ARSF: variants seen among roughly 807,000 people sequenced by gnomAD.
ARSF encodes arylsulfatase F.
Under a neutral mutation model 35.4 loss-of-function variants are expected in ARSF, and 33 were observed. The observed-to-expected ratio is 0.93, with a 90% confidence interval of 0.71 to 1.25. The LOEUF is 1.25. Among genes scored for constraint, ARSF ranks in the 50% most tolerant of loss-of-function variants. The pLI is 0.00. For synonymous variants in ARSF, 222 were observed against 193.1 expected, an observed-to-expected ratio of 1.15 and a Z score of -1.24; for missense variants, 501 against 480.2, an observed-to-expected ratio of 1.04 and a Z score of -0.40.
chrX:3,068,996 A>AG (rs756681729), intron 2 of ARSF, among the ~76,000 whole-genome samples: 97 of 112,318 alleles, frequency 8.6e-4, no homozygotes, highest in Middle Eastern at 4.6e-3. Flanking sequence ...TTTCTCTCAG[A>AG]GGAGATATTT....
At chrX:3,071,337 T>C (rs1477307721) in intron 2 of ARSF, among the ~76,000 whole-genome samples, 2 of 110,702 alleles carry the variant, frequency 1.8e-5, no homozygotes, top group Admixed American at 9.7e-5. Flanking sequence ...GGAACCTCGG[T>C]CCGTCACCCA....
intron 1 of ARSF, among the ~76,000 whole-genome samples, chrX:3,047,981 A>AG (rs2089982349): frequency 9.1e-6 from 1 of 109,365 alleles, no homozygotes; most frequent in African/African-American, 3.3e-5. Flanking sequence ...CAGGCAAAGA[A>AG]AGAGAGCCAA....
chrX:3,075,934 T>A (rs1251040375), intron 3 of ARSF, among the ~76,000 whole-genome samples: 2 of 107,334 alleles, frequency 1.9e-5, no homozygotes, highest in Admixed American at 2.0e-4. Flanking sequence ...TCTCTTTTCA[T>A]CTCTCCCTGT....
chrX:3,058,773 A>T (rs2090029307), intron 1 of ARSF, among the ~76,000 whole-genome samples: 2 of 111,681 alleles, frequency 1.8e-5, no homozygotes, highest in African/African-American at 6.5e-5. Context: ...AGACTGGAGG[A>T]TCTTTCGAGC....
At chrX:3,056,917 A>G (rs2090020812) in intron 1 of ARSF, among the ~76,000 whole-genome samples, 1 of 111,058 alleles carries the variant, frequency 9.0e-6, no homozygotes, top group African/African-American at 3.3e-5. Flanking sequence ...TGAACTTTTT[A>G]ATAGCCACGA....
At position 3,052,584 on chromosome X, in the gene ARSF, G is replaced by A. The variant is rs747950868; in HGVS notation, c.-29+10921G>A. 9.1e-5 allele frequency among the ~76,000 whole-genome samples: 10 copies of A among 109,395 alleles called. No homozygotes were observed. In the East Asian group the frequency reaches 2.0e-3, roughly 22 times the overall value. The allele number at this position is 109,395 out of a possible 115,157, so 95.0% of individuals were successfully genotyped here. A position where few individuals can be genotyped will look rare whatever the true frequency, so the allele number is the denominator to read the frequency against. ...TCAGTCACATCTGTAATCACAATAC[G>A]TTGGGAGGCTGAGGCAGGAGGATCA... On this transcript the variant is annotated intron_variant, in intron 1 of 10. Transcript: ENST00000381127.
chrX:3,068,578 C>T (rs1228014441), intron 2 of ARSF, among the ~76,000 whole-genome samples: 1 of 110,262 alleles, frequency 9.1e-6, no homozygotes, highest in Non-Finnish European at 1.9e-5. Flanking sequence ...TATCGCCACG[C>T]CCAGCTAATT....
At chrX:3,100,651 G>C (rs2090369492) in intron 7 of ARSF, among the ~76,000 whole-genome samples, 3 of 111,494 alleles carry the variant, frequency 2.7e-5, no homozygotes, top group Non-Finnish European at 5.6e-5. Flanking sequence ...AGGTTGGAGT[G>C]CAGTGGCACG....
chrX:3,063,767 C>G (rs899647717), intron 1 of ARSF, among the ~76,000 whole-genome samples: 2 of 111,744 alleles, frequency 1.8e-5, no homozygotes, highest in Non-Finnish European at 3.8e-5. Flanking sequence ...AGGACCTCTT[C>G]AAGGAGAACT....
Position 3,084,286 on chromosome X carries a change from G to T in ARSF, c.450G>T (p.Gln150His). Residue 150 changes from glutamine (Q) to histidine (H), a missense_variant, in exon 6 of 11, where the codon CAG becomes CAT. Transcript: ENST00000381127. The stretch of plus-strand genomic sequence containing the variant: ...TGAACTGCGACTCCCGAAGTGACCA[G>T]TGCCACCATCCATATAATTATGGGT... ...QGLNCDSRSD[Q>H]CHHPYNYGFD... 1 of 1,211,797 alleles carries T rather than the reference G, an allele frequency of 8.3e-7. No homozygotes were observed. Among genetic ancestry groups the T allele is most frequent in the South Asian group, 1.8e-5 (1 of 56,971 alleles).
chrX:3,049,610 G>A (rs2089989003), intron 1 of ARSF, among the ~76,000 whole-genome samples: 1 of 111,516 alleles, frequency 9.0e-6, no homozygotes, highest in African/African-American at 3.3e-5. Flanking sequence ...GTAGCTTTTT[G>A]TTTTGTTTTG....
intron 4 of ARSF, among the ~76,000 whole-genome samples, chrX:3,079,424 C>G (rs746680791): frequency 1.9e-5 from 2 of 103,903 alleles, no homozygotes; most frequent in South Asian, 9.6e-4. Flanking sequence ...CGGCTCACTG[C>G]AACCTCTGCC....
chrX:3,049,117 C>T (rs1020445393), intron 1 of ARSF, among the ~76,000 whole-genome samples: 3 of 112,491 alleles, frequency 2.7e-5, no homozygotes. Flanking sequence ...TTCAGGAGAT[C>T]CTGAGAACAT....
chrX:3,056,608 G>C (rs2090019712), intron 1 of ARSF, among the ~76,000 whole-genome samples: 1 of 111,076 alleles, frequency 9.0e-6, no homozygotes, highest in African/African-American at 3.3e-5. Flanking sequence ...GTCTAGTCTA[G>C]ACATTTAAAA....
intron 2 of ARSF, among the ~76,000 whole-genome samples, chrX:3,071,291 TTTGTTG>T (rs561564476): frequency 1.8e-4 from 20 of 110,210 alleles, no homozygotes; most frequent in East Asian, 1.1e-3. Flanking sequence ...GCAAGTGTCT[TTTGTTG>T]TTGTTGTTGT....
chrX:3,073,739 A>G (rs772101823), intron 3 of ARSF, among the ~76,000 whole-genome samples: 26 of 95,600 alleles, frequency 2.7e-4, no homozygotes, highest in African/African-American at 8.9e-4. Flanking sequence ...ATAAATATGT[A>G]TGAATTTATG....
At position 3,103,775 on chromosome X, in the gene ARSF, G is replaced by A; in HGVS notation, c.1116G>A (p.Met372Ile). 8.3e-7 allele frequency: 1 copy of A among 1,211,219 alleles called. No homozygotes were observed. The highest frequency in any genetic ancestry group is 2.3e-4 in the Middle Eastern group (1 of 4,347). Residue 372 changes from methionine (M) to isoleucine (I), a missense_variant, in exon 9 of 11, where the codon ATG becomes ATA. Met to Ile is a conservative substitution (Grantham distance 10). Coordinates refer to ENST00000381127, the MANE Select transcript of ARSF (RefSeq NM_001201539.2). ...ATTGTCTTATAGGTGGAAAAGGCAT[G>A]GGGGGCTGGGAAGGTGGAATCCGCG... The part of the protein sequence containing the change: ...WNGIYKGGKG[M>I]GGWEGGIRVP...
chrX:3,082,288 A>G (rs940774178), intron 5 of ARSF, among the ~76,000 whole-genome samples: 9 of 111,292 alleles, frequency 8.1e-5, no homozygotes, highest in African/African-American at 2.9e-4. Context: ...ATGCTGGTCC[A>G]TCCTCCATGA....
chrX:3,081,952 C>T (rs1468440692), intron 5 of ARSF, among the ~76,000 whole-genome samples: 1 of 111,272 alleles, frequency 9.0e-6, no homozygotes, highest in Non-Finnish European at 1.9e-5. Context: ...TAAGAGAAGG[C>T]AATCTCCGTG....
Sources: allele counts gnomAD v4.1 joint callset (sites outside exome capture counted in the v4.1 genomes callset), GRCh38; gene constraint gnomAD v4.1.1; transcripts MANE v1.5; gene names NCBI Gene and HGNC (gene_info 2026-07-23, HGNC 2026-07-21).